DOCK8: variants seen among roughly 807,000 people sequenced by gnomAD.
DOCK8 encodes the protein dedicator of cytokinesis protein 8.
A neutral mutation model predicts 245.6 loss-of-function variants in DOCK8; 141 were observed. That is an observed-to-expected ratio of 0.57 (90% CI 0.50 to 0.66). The LOEUF (loss-of-function observed/expected upper bound fraction) is 0.66, where lower values mean the gene tolerates loss of function less well. Ranked by LOEUF, DOCK8 falls within the 30% of genes least tolerant of loss-of-function variation. The probability of loss-of-function intolerance (pLI) is 0.00; values close to 1 mark genes in which losing one functional copy is unlikely to be tolerated. For synonymous variants in DOCK8, 1,168 were observed against 970.2 expected (o/e 1.20, Z -3.79); for missense variants, 2,965 against 2,603.4 (o/e 1.14, Z -3.02).
rs755384942 is a variant in DOCK8, at chr9:368,117, T to C, written c.1779T>C (p.Asp593=). ...TIKIQFMCGE[D]ASNAMPVIFG... is the part of the protein sequence containing the mutation. The stretch of plus-strand genomic sequence containing the variant: ...AGATCCAGTTTATGTGTGGAGAAGA[T>C]GCTAGCAATGCGATGCCGGTAAGGA... Residue 593 remains aspartate, a synonymous_variant, in exon 15 of 48, where the codon GAT becomes GAC. Transcript: ENST00000432829. The C allele has an allele frequency of 3.1e-6, 5 of 1,613,996 alleles. No individual in the cohort carries two copies. In the Admixed American group the frequency reaches 6.7e-5, roughly 22 times the overall value.
intron 2 of DOCK8, among the ~76,000 whole-genome samples, chr9:274,104 A>G (rs1049273567): frequency 1.3e-5 from 2 of 152,220 alleles, no homozygotes; most frequent in African/African-American, 4.8e-5. Flanking sequence ...ATCTGTAAGC[A>G]TTCGTTTGGT....
intron 24 of DOCK8, among the ~76,000 whole-genome samples, chr9:395,240 G>A (rs2054393274): frequency 6.6e-6 from 1 of 152,094 alleles, no homozygotes; most frequent in Non-Finnish European, 1.5e-5. Context: ...TTTCTCTACT[G>A]AGCTTTAGGG....
At chr9:239,276 G>C (rs2047329247) in intron 1 of DOCK8, among the ~76,000 whole-genome samples, 1 of 152,176 alleles carries the variant, frequency 6.6e-6, no homozygotes, top group Admixed American at 6.5e-5. Context: ...GAGATTTAAA[G>C]GCTAAAAGGA....
chr9:266,037 G>A (rs2048027817), intron 1 of DOCK8, among the ~76,000 whole-genome samples: 1 of 152,108 alleles, frequency 6.6e-6, no homozygotes, highest in Non-Finnish European at 1.5e-5. Context: ...CTTAAAGTGA[G>A]AATGAGAAAA....
chr9:300,123 C>G (rs1190197110), intron 4 of DOCK8, among the ~76,000 whole-genome samples: 1 of 151,810 alleles, frequency 6.6e-6, no homozygotes, highest in East Asian at 1.9e-4. Flanking sequence ...TTTTGTTTGG[C>G]TCAAAACAAA....
intron 38 of DOCK8, 100 bp from the exon 39 acceptor site, chr9:434,683 G>A: frequency 8.0e-7 from 1 of 1,255,048 alleles, no homozygotes; most frequent in Non-Finnish European, 1.1e-6. Context: ...GGGGTACAGG[G>A]AACTCTTGGG....
At chr9:403,915 T>TATAC (rs1431314560) in intron 26 of DOCK8, among the ~76,000 whole-genome samples, 25 of 81,252 alleles carry the variant, frequency 3.1e-4, no homozygotes, top group African/African-American at 1.9e-3. Context: ...TATATATATA[T>TATAC]ACATATATAT....
chr9:382,329 G>A (rs1211447907), intron 21 of DOCK8, among the ~76,000 whole-genome samples, 184 bp from the exon 22 acceptor site: 1 of 152,138 alleles, frequency 6.6e-6, no homozygotes, highest in African/African-American at 2.4e-5. Context: ...GGTGCCTTAT[G>A]CCCCATCTAC....
At chr9:260,713 A>G (rs1170083359) in intron 1 of DOCK8, among the ~76,000 whole-genome samples, 1 of 152,242 alleles carries the variant, frequency 6.6e-6, no homozygotes, top group African/African-American at 2.4e-5. Context: ...GCCCAGTTTT[A>G]TAGTAGAATA....
rs753941587 is a variant in DOCK8, at chr9:336,629, C to G, written c.1333C>G (p.Leu445Val). ...ERRTLAQSRR[L>V]SERALSLEEN... ...GAGGACATTGGCCCAATCTAGAAGG[C>G]TTTCTGAAAGAGCCCTCTCCTTGGA... Residue 445 changes from leucine (L) to valine (V), a missense_variant, in exon 12 of 48, where the codon CTT (leucine) becomes GTT (valine). By Grantham distance (32) the Leu-to-Val change is conservative (BLOSUM62 1). Coordinates refer to ENST00000432829, the MANE Select transcript of DOCK8 (RefSeq NM_203447.4). 9 of 1,614,180 alleles carry G rather than the reference C, an allele frequency of 5.6e-6. No homozygotes were observed. Among genetic ancestry groups the G allele is most frequent in the Non-Finnish European group, 7.6e-6 (9 of 1,180,034 alleles).
intron 14 of DOCK8, among the ~76,000 whole-genome samples, chr9:342,306 T>C (rs987894329): frequency 1.5e-4 from 19 of 130,288 alleles, no homozygotes; most frequent in African/African-American, 4.7e-4. Flanking sequence ...TCTTTTTTTT[T>C]TTTTTTTTGT....
At chr9:410,772 A>G (rs1418445641) in intron 28 of DOCK8, among the ~76,000 whole-genome samples, 1 of 152,244 alleles carries the variant, frequency 6.6e-6, no homozygotes, top group South Asian at 2.1e-4. Context: ...GGAAATCCGC[A>G]AGATGAAAAG....
intron 22 of DOCK8, among the ~76,000 whole-genome samples, chr9:385,723 C>A (rs554057165): frequency 6.6e-6 from 1 of 152,330 alleles, no homozygotes; most frequent in East Asian, 1.9e-4. Flanking sequence ...AACTCAGCCT[C>A]ATATTGAAAG....
intron 1 of DOCK8, among the ~76,000 whole-genome samples, chr9:222,548 C>G (rs1275301622): frequency 3.0e-4 from 46 of 152,164 alleles, no homozygotes. Context: ...TCTTTTAAAT[C>G]TTTATTTGCC....
At chr9:278,986 T>G (rs1258540511) in intron 2 of DOCK8, among the ~76,000 whole-genome samples, 1 of 152,168 alleles carries the variant, frequency 6.6e-6, no homozygotes, top group Non-Finnish European at 1.5e-5. Flanking sequence ...TAGGAAGATG[T>G]CACGGTAACT....
At chr9:317,230 C>A in intron 7 of DOCK8, 102 bp downstream of exon 7, 1 of 944,166 alleles carries the variant, frequency 1.1e-6, no homozygotes, top group Non-Finnish European at 1.7e-6. Flanking sequence ...GCGGAGCTCC[C>A]AAAATACGTC....
At position 455,842 on chromosome 9, in the gene DOCK8, T is replaced by C. The variant is rs553591638; in HGVS notation, c.6068+3725T>C. On this transcript the variant is annotated intron_variant, in intron 46 of 47. Coordinates refer to ENST00000432829, the MANE Select transcript of DOCK8 (RefSeq NM_203447.4). ...GAAGTTGTAAATCTCAATAAAATTA[T>C]GTGAGAACAAAAAAAAAAGCAAACA... 3.4e-5 allele frequency among the ~76,000 whole-genome samples: 5 copies of C among 145,692 alleles called. No individual in the cohort carries two copies. The East Asian group carries it at 1.2e-3, about 35-fold the overall frequency.
intron 1 of DOCK8, among the ~76,000 whole-genome samples, chr9:244,754 T>C (rs1211825219): frequency 2.0e-5 from 3 of 152,154 alleles, no homozygotes; most frequent in South Asian, 2.1e-4. Context: ...TTCCTCCCAG[T>C]TGTGGAGGTT....
intron 1 of DOCK8, among the ~76,000 whole-genome samples, chr9:227,904 G>A (rs1020326267): frequency 3.3e-5 from 5 of 152,158 alleles, no homozygotes; most frequent in African/African-American, 9.7e-5. Flanking sequence ...GACCGTTGTA[G>A]TATCAGAAAA....
Sources: gnomAD v4.1 joint callset for allele counts (sites outside exome capture counted in the v4.1 genomes callset) on GRCh38, gnomAD v4.1.1 for gene constraint, MANE v1.5 for transcripts, NCBI Gene and HGNC (gene_info 2026-07-23, HGNC 2026-07-21) for gene names.